Variants in MIDEAS observed in about 807,000 individuals in gnomAD.
MIDEAS encodes mitotic deacetylase associated SANT domain protein.
MIDEAS carries 26 observed loss-of-function variants against 102.7 expected under a neutral mutation model. The observed-to-expected ratio is 0.25, with a 90% confidence interval of 0.19 to 0.35. The LOEUF (loss-of-function observed/expected upper bound fraction) is 0.35. Ranked by LOEUF, MIDEAS falls within the 10% of genes least tolerant of loss-of-function variation. The pLI, the probability that MIDEAS is intolerant of heterozygous loss-of-function variation, is 1.00. For missense variants in MIDEAS, 1,231 were observed against 1,435.6 expected, an observed-to-expected ratio of 0.86 and a Z score of 2.30; for synonymous variants, 585 against 591.0, an observed-to-expected ratio of 0.99 and a Z score of 0.15.
Position 73,721,645 on chromosome 14 carries a change from C to T in MIDEAS, c.2725-136G>A. On this transcript the variant is annotated intron_variant, in intron 10 of 12. Transcript: ENST00000423556. ...GGCTGGCCCAGCATAGTCTTCTGTA[C>T]TAGGACTCTGGACTCTGTCCCCATG... The T allele has an allele frequency of 5.5e-6, 4 of 722,312 alleles. No individual in the cohort carries two copies. In the South Asian group the frequency reaches 6.9e-5, roughly 12 times the overall value. 44.7% of individuals were successfully genotyped at this position (722,312 alleles called of 1,614,324 possible).
At position 73,725,379 on chromosome 14, in the gene MIDEAS, G is replaced by C. The variant is rs1252635788; in HGVS notation, c.2486-19C>G. ...TCAGAGCCTATGGGGCAAAGAGGCA[G>C]CCAGGGAGTGAGGTGGGCAGGGCCC... is the stretch of plus-strand genomic sequence containing the variant. On this transcript the variant is annotated intron_variant, in intron 8 of 12. Transcript: ENST00000423556. This position sits in a 1 kb window ranked among gnomAD's most constrained non-coding sequence, Gnocchi z 4.1. 1 of 1,610,068 alleles carries C rather than the reference G, an allele frequency of 6.2e-7. No individual in the cohort carries two copies. Among genetic ancestry groups the C allele is most frequent in the African/African-American group, 1.3e-5 (1 of 74,826 alleles).
At chr14:73,764,501 CG>C (rs897995892), upstream of MIDEAS, among the ~76,000 whole-genome samples, 43 of 152,278 alleles carry the variant, frequency 2.8e-4, no homozygotes, top group African/African-American at 1.0e-3. Context: ...TGTCCTCCAA[CG>C]CTTCTCTCCC....
intron 3 of MIDEAS, among the ~76,000 whole-genome samples, chr14:73,731,528 T>A (rs1595260823): frequency 6.6e-6 from 1 of 151,796 alleles, no homozygotes; most frequent in South Asian, 2.1e-4. Flanking sequence ...TGACAAGAAA[T>A]CTAACAAAAA....
rs1187928810 is a variant in MIDEAS, at chr14:73,719,409, C to T, written c.3030G>A (p.Gly1010=). 1.2e-6 allele frequency: 2 copies of T among 1,614,136 alleles called. No homozygotes were observed. Among genetic ancestry groups the T allele is most frequent in the Admixed American group, 1.7e-5 (1 of 60,020 alleles). Residue 1010 remains glycine, a synonymous_variant, in exon 12 of 13, where the codon GGG becomes GGA. Transcript: ENST00000423556. ...AAAAAGGTAGTGCCCTTCGTGACTT[C>T]CCTGTCCCTTCCCTTGGCTTCTCCG... ...QASEKPREGT[G]KSRRALPFSE...
At position 73,737,131 on chromosome 14, in the gene MIDEAS, G is replaced by A. The variant is rs374677571; in HGVS notation, c.1616C>T (p.Thr539Ile). 31 of 1,613,710 alleles carry A rather than the reference G, an allele frequency of 1.9e-5. No homozygotes were observed. The African/African-American group carries it at 3.6e-4, about 19-fold the overall frequency. The change falls in exon 3 of 13, where the codon ACT becomes ATT. Residue 539 changes from threonine (T) to isoleucine (I), a missense_variant. By Grantham distance (89) the Thr-to-Ile change is moderately conservative (BLOSUM62 -1). Around this residue, in one of 5 missense-constraint regions of MIDEAS, gnomAD observed 758 missense variants for 856.0 expected, o/e 0.89. Transcript: ENST00000423556. ...AAGACCTCCAGCCTGGGCTGCCTCA[G>A]TTGGGTCCACAGTTCGCACAGGCAC... The part of the protein sequence containing the change: ...VSVPVRTVDP[T>I]EAAQAGGLDE...
At chr14:73,728,638 C>T (rs28495709) in intron 4 of MIDEAS, 3,355 of 152,578 alleles carry the variant, frequency 0.022, 51 homozygotes, top group Middle Eastern at 0.061. Flanking sequence ...TTTTTCAACT[C>T]CAAGGCTTTC....
intron 1 of MIDEAS, among the ~76,000 whole-genome samples, chr14:73,768,642 G>A (rs1020501756): frequency 1.3e-5 from 2 of 150,948 alleles, no homozygotes; most frequent in African/African-American, 4.9e-5. Flanking sequence ...GCACCACCAC[G>A]CCTGGCTAAT....
intron 11 of MIDEAS, 80 bp downstream of exon 11, chr14:73,721,217 T>C: frequency 1.5e-6 from 2 of 1,344,766 alleles, no homozygotes; most frequent in East Asian, 2.3e-5. Flanking sequence ...ATCACAGTCC[T>C]GCTCTACCCT....
Position 73,718,269 on chromosome 14 carries a change from G to C in MIDEAS, c.*574C>G, listed in dbSNP as rs777930263. 5 of 152,358 alleles carry C rather than the reference G, an allele frequency of 3.3e-5. No homozygotes were observed. Among genetic ancestry groups the C allele is most frequent in the Non-Finnish European group, 5.9e-5 (4 of 68,162 alleles). 9.4% of individuals were successfully genotyped at this position (152,358 alleles called of 1,614,324 possible). On this transcript the variant is annotated 3_prime_UTR_variant, in exon 13 of 13. Transcript: ENST00000423556. ...GTGGCCACTCAGGACACGGTCACGG[G>C]AGCAGCTCAGACAGGCCTAGAGACT...
intron 1 of MIDEAS, among the ~76,000 whole-genome samples, chr14:73,744,433 A>C (rs1368736556): frequency 6.6e-6 from 1 of 152,242 alleles, no homozygotes; most frequent in African/African-American, 2.4e-5. Flanking sequence ...GCGGGGGCTC[A>C]GCTCTGACCT....
Position 73,715,918 on chromosome 14 carries a change from T to C in MIDEAS, c.*2925A>G, listed in dbSNP as rs1238997659. On this transcript the variant is annotated 3_prime_UTR_variant, in exon 13 of 13. Coordinates refer to ENST00000423556, the MANE Select transcript of MIDEAS (RefSeq NM_001367710.1). ...GGGCTGCTGAAGGCATGGAGGACAG[T>C]AATGACGGCTGTGCCTCCTTGGATG... The C allele has an allele frequency of 1.3e-5, 2 of 152,384 alleles. No homozygotes were observed. The highest frequency in any genetic ancestry group is 4.8e-5 in the African/African-American group (2 of 41,442). 9.4% of individuals were successfully genotyped at this position (152,384 alleles called of 1,614,324 possible). A position where few individuals can be genotyped will look rare whatever the true frequency, so the allele number is the denominator to read the frequency against.
chr14:73,725,189 G>T lies in MIDEAS; in HGVS notation c.2574+83C>A. ...CATTGACCTGACTGCTTTTTAAGAG[G>T]GATTGGTCACTGGCAGAGGGAGCCC... On this transcript the variant is annotated intron_variant, in intron 9 of 12. Coordinates refer to ENST00000423556, the MANE Select transcript of MIDEAS (RefSeq NM_001367710.1). The surrounding 1 kb of genome is among the most constrained non-coding windows in gnomAD (Gnocchi z 4.1). The T allele has an allele frequency of 9.7e-7, 1 of 1,035,516 alleles. No homozygotes were observed. Among genetic ancestry groups the T allele is most frequent in the Non-Finnish European group, 1.5e-6 (1 of 654,436 alleles). The allele number at this position is 1,035,516 out of a possible 1,614,324, so 64.1% of individuals were successfully genotyped here. A position where few individuals can be genotyped will look rare whatever the true frequency, so the allele number is the denominator to read the frequency against.
intron 1 of MIDEAS, among the ~76,000 whole-genome samples, chr14:73,772,967 T>C (rs1276181521): frequency 1.3e-5 from 2 of 151,812 alleles, no homozygotes; most frequent in Non-Finnish European, 1.5e-5. Context: ...GCCTCCCGAG[T>C]AGCTAGGGTT....
intron 1 of MIDEAS, among the ~76,000 whole-genome samples, chr14:73,776,994 C>T (rs568132519): frequency 7.6e-4 from 115 of 151,814 alleles, no homozygotes; most frequent in African/African-American, 2.1e-3. Flanking sequence ...AGTTTGAACC[C>T]GGGAGGCGGA....
chr14:73,764,339 C>CAAAAAAAAAAAAAAAAAAAAAAAA (rs5809629), upstream of MIDEAS, among the ~76,000 whole-genome samples: 1 of 88,256 alleles, frequency 1.1e-5, no homozygotes, highest in Non-Finnish European at 2.2e-5. Context: ...GACCCTGTCT[C>CAAAAAAAAAAAAAAAAAAAAAAAA]AAAAAAAAAA....
In MIDEAS at chr14:73,725,218, A is replaced by C; in HGVS notation, c.2574+54T>G. On this transcript the variant is annotated intron_variant, in intron 9 of 12. Coordinates refer to ENST00000423556, the MANE Select transcript of MIDEAS (RefSeq NM_001367710.1). The surrounding 1 kb of genome is among the most constrained non-coding windows in gnomAD (Gnocchi z 4.1). ...TGGTCACTGGCAGAGGGAGCCCCAAAGTCACACAGGCAGCTCCTGGCCCTC... is the reference window on the plus strand; with the variant it reads ...TGGTCACTGGCAGAGGGAGCCCCAACGTCACACAGGCAGCTCCTGGCCCTC... 1 of 1,472,710 alleles carries C rather than the reference A, an allele frequency of 6.8e-7. No individual in the cohort carries two copies. Among genetic ancestry groups the C allele is most frequent in the Non-Finnish European group, 9.5e-7 (1 of 1,051,366 alleles). 91.2% of individuals were successfully genotyped at this position (1,472,710 alleles called of 1,614,324 possible).
At chr14:73,773,741 G>A (rs1008780534) in intron 1 of MIDEAS, among the ~76,000 whole-genome samples, 2 of 151,894 alleles carry the variant, frequency 1.3e-5, no homozygotes, top group Non-Finnish European at 2.9e-5. Context: ...GAAAGAGAGA[G>A]GCCAGGCGCA....
Position 73,739,472 on chromosome 14 carries a change from C to A in MIDEAS, c.537G>T (p.Val179=). 1 of 1,607,642 alleles carries A rather than the reference C, an allele frequency of 6.2e-7. No homozygotes were observed. The highest frequency in any genetic ancestry group is 2.2e-5 in the East Asian group (1 of 44,866). ...KAGGPQLDRY[V]RPMMPQKVQL... is the part of the protein sequence containing the mutation. The stretch of plus-strand genomic sequence containing the variant: ...GCACCTTCTGTGGCATCATTGGTCG[C>A]ACATAGCGGTCCAGCTGTGGGCCCC... Residue 179 remains valine, a synonymous_variant, in exon 2 of 13, where the codon GTG becomes GTT. Transcript: ENST00000423556.
chr14:73,778,709 A>C (rs557628403), intron 1 of MIDEAS, among the ~76,000 whole-genome samples: 1 of 152,048 alleles, frequency 6.6e-6, no homozygotes, highest in South Asian at 2.1e-4. Flanking sequence ...CTTACTGTAA[A>C]GTGTCTGCTG....
Sources: gnomAD v4.1 joint callset for allele counts (sites outside exome capture counted in the v4.1 genomes callset) on GRCh38, gnomAD v4.1.1 for gene constraint, gnomAD v4.1.1 regional missense constraint, Gnocchi (gnomAD v3.1) non-coding constraint, MANE v1.5 for transcripts, NCBI Gene and HGNC (gene_info 2026-07-23, HGNC 2026-07-21) for gene names.